Variants in BPTF observed in about 807,000 individuals in gnomAD.
The protein encoded by BPTF is bromodomain PHD finger transcription factor.
In BPTF, 18 loss-of-function variants were observed where a neutral mutation model predicts 292.5. The observed-to-expected ratio is 0.06, with a 90% CI of 0.04 to 0.09. The LOEUF is 0.09. BPTF is among the 10% of genes least tolerant of loss of function. The pLI, the probability that BPTF is intolerant of heterozygous loss-of-function variation, is 1.00. For synonymous variants in BPTF, 1,225 were observed against 1,251.9 expected (o/e 0.98, Z 0.45); for missense variants, 2,726 against 3,498.7 (o/e 0.78, Z 5.57).
chr17:67,834,248 CTAATT>C (rs2056954068), intron 1 of BPTF, among the ~76,000 whole-genome samples: 1 of 152,134 alleles, frequency 6.6e-6, no homozygotes, highest in South Asian at 2.1e-4. Context: ...TTACTGATTT[CTAATT>C]TAATTTCATT....
At chr17:67,884,707 C>G (rs1009916671) in intron 4 of BPTF, among the ~76,000 whole-genome samples, 1 of 152,126 alleles carries the variant, frequency 6.6e-6, no homozygotes, top group African/African-American at 2.4e-5. Flanking sequence ...TGAGCCACTG[C>G]TCCCAGCCTT....
chr17:67,868,667 G>T (rs1217819440), intron 3 of BPTF, among the ~76,000 whole-genome samples: 1 of 152,098 alleles, frequency 6.6e-6, no homozygotes, highest in Non-Finnish European at 1.5e-5. Context: ...CTGCTCTTCT[G>T]CATACATTAT....
chr17:67,884,646 C>G (rs1246741389), intron 4 of BPTF, among the ~76,000 whole-genome samples: 2 of 152,074 alleles, frequency 1.3e-5, no homozygotes, highest in African/African-American at 2.4e-5. Flanking sequence ...GAACCCCTGA[C>G]CTCAAGTGAT....
intron 7 of BPTF, among the ~76,000 whole-genome samples, chr17:67,899,461 C>T (rs2061671625): frequency 6.6e-6 from 1 of 152,026 alleles, no homozygotes; most frequent in Admixed American, 6.6e-5. Flanking sequence ...TTATATTTTC[C>T]TGGGAACCTT....
intron 4 of BPTF, among the ~76,000 whole-genome samples, chr17:67,883,221 C>T (rs1321312625): frequency 6.6e-6 from 1 of 151,172 alleles, no homozygotes; most frequent in Non-Finnish European, 1.5e-5. Context: ...GAGGCTGAGG[C>T]AGGAGAATCG....
chr17:67,886,264 T>G, intron 4 of BPTF: 1 of 1,613,986 alleles, frequency 6.2e-7, no homozygotes, highest in Non-Finnish European at 8.5e-7. Context: ...CTGATGATCC[T>G]GAAAATGGAG....
chr17:67,909,229 C>T (rs1011335340), intron 9 of BPTF, among the ~76,000 whole-genome samples: 1 of 151,300 alleles, frequency 6.6e-6, no homozygotes, highest in African/African-American at 2.4e-5. Flanking sequence ...CACTCTGTCA[C>T]CCAGGCTGGA....
chr17:67,921,543 A>G (rs2063440063), intron 13 of BPTF, among the ~76,000 whole-genome samples: 1 of 152,060 alleles, frequency 6.6e-6, no homozygotes, highest in Non-Finnish European at 1.5e-5. Context: ...ATAAATAAAT[A>G]AATAAATAAA....
At chr17:67,921,232 A>G (rs79688954) in intron 13 of BPTF, among the ~76,000 whole-genome samples, 8,660 of 147,274 alleles carry the variant, frequency 0.059, 960 homozygotes, top group African/African-American at 0.22. Context: ...AAAAAAAAAA[A>G]AAAGAAATAC....
chr17:67,952,856 C>T (rs1415446363), intron 23 of BPTF, among the ~76,000 whole-genome samples: 2 of 152,178 alleles, frequency 1.3e-5, no homozygotes, highest in African/African-American at 4.8e-5. Context: ...CTTGTTCCTC[C>T]TCTTTCCCCC....
Position 67,903,919 on chromosome 17 carries a change from G to GTAATTTTTACA in BPTF, c.2673+2_2673+12dup. 3 of 1,581,226 alleles carry GTAATTTTTACA rather than the reference G, an allele frequency of 1.9e-6. No individual in the cohort carries two copies. Among genetic ancestry groups the GTAATTTTTACA allele is most frequent in the Non-Finnish European group, 2.6e-6 (3 of 1,171,128 alleles). ...ATACACATTTCCAGTTAAGCATCAGGTAATTTTTACAACAACCCTTTAAAA... is the reference window on the plus strand; with the variant it reads ...ATACACATTTCCAGTTAAGCATCAGGTAATTTTTACATAATTTTTACAACAACCCTTTAAAA... On this transcript the variant is annotated splice_donor_variant, in intron 8 of 27. Transcript: ENST00000306378. LOFTEE classifies it high-confidence loss of function.
intron 3 of BPTF, among the ~76,000 whole-genome samples, chr17:67,873,004 T>G (rs1437326083): frequency 6.6e-6 from 1 of 151,942 alleles, no homozygotes; most frequent in Non-Finnish European, 1.5e-5. Flanking sequence ...GGAGGATCAC[T>G]TGAGTCTAGG....
chr17:67,962,317 G>A (rs1316848243), intron 24 of BPTF, among the ~76,000 whole-genome samples: 1 of 152,200 alleles, frequency 6.6e-6, no homozygotes, highest in Non-Finnish European at 1.5e-5. Flanking sequence ...GGCCAGTCTG[G>A]TTCCCTGTGA....
At chr17:67,929,137 G>A in intron 16 of BPTF, 199 bp from the exon 17 acceptor site, 6 of 1,358,930 alleles carry the variant, frequency 4.4e-6, no homozygotes, top group Non-Finnish European at 5.7e-6. Context: ...GAAATGTGAA[G>A]TTTTAATTCA....
At chr17:67,828,132 A>G (rs1401940328) in intron 1 of BPTF, among the ~76,000 whole-genome samples, 1 of 152,100 alleles carries the variant, frequency 6.6e-6, no homozygotes, top group South Asian at 2.1e-4. Flanking sequence ...GGGTTTCACC[A>G]TGTTGGCCAG....
At chr17:67,906,698 AT>A (rs1309704276) in intron 9 of BPTF, among the ~76,000 whole-genome samples, 11 of 152,170 alleles carry the variant, frequency 7.2e-5, no homozygotes, top group Non-Finnish European at 1.5e-4. Context: ...GAAATCATTC[AT>A]TTAAATTAAA....
intron 27 of BPTF, among the ~76,000 whole-genome samples, chr17:67,977,289 T>G (rs1599058424): frequency 6.6e-6 from 1 of 150,400 alleles, no homozygotes; most frequent in African/African-American, 2.4e-5. Flanking sequence ...CCAAGGTGGG[T>G]GGATCACTTG....
At chr17:67,903,730 T>G in intron 7 of BPTF, 59 bp from the exon 8 acceptor site, 2 of 1,438,858 alleles carry the variant, frequency 1.4e-6, no homozygotes, top group Non-Finnish European at 1.8e-6. Flanking sequence ...GTATTGCATT[T>G]TTATCTTTTC....
At chr17:67,913,368 GT>G (rs1441128421) in intron 11 of BPTF, among the ~76,000 whole-genome samples, 181 bp downstream of exon 11, 2 of 151,478 alleles carry the variant, frequency 1.3e-5, no homozygotes, top group African/African-American at 4.9e-5. Context: ...ATGTACTAAA[GT>G]TTTTGTAGGG....
Sources: allele counts gnomAD v4.1 joint callset (sites outside exome capture counted in the v4.1 genomes callset), GRCh38; gene constraint gnomAD v4.1.1; transcripts MANE v1.5; gene names NCBI Gene and HGNC (gene_info 2026-07-23, HGNC 2026-07-21).